The following CNTN5 variants were observed in gnomAD, a reference collection of about 807,000 sequenced individuals.
CNTN5 encodes the protein contactin-5.
A neutral mutation model predicts 129.1 loss-of-function variants in CNTN5; 77 were observed. The observed-to-expected ratio is 0.60, with a 90% confidence interval of 0.50 to 0.72. CNTN5 has a LOEUF of 0.72. Among genes scored for constraint, CNTN5 ranks in the 30% least tolerant of loss-of-function variants. The pLI is 0.00. For missense variants in CNTN5, 1,478 were observed against 1,328.8 expected, an observed-to-expected ratio of 1.11 and a Z score of -1.75; for synonymous variants, 509 against 465.6, an observed-to-expected ratio of 1.09 and a Z score of -1.20.
intron 3 of CNTN5, among the ~76,000 whole-genome samples, chr11:99,561,747 C>T (rs1948851335): frequency 1.1e-3 from 1 of 906 alleles, no homozygotes; most frequent in African/African-American, 1.7e-3. Flanking sequence ...GTCATCAAAA[C>T]TTAGGAAAAT....
chr11:99,972,187 GGA>G (rs1345352556), intron 8 of CNTN5, among the ~76,000 whole-genome samples: 37 of 151,970 alleles, frequency 2.4e-4, no homozygotes, highest in African/African-American at 8.7e-4. Flanking sequence ...CGTGAACCCG[GGA>G]GGCGGAGCTT....
In CNTN5 at chr11:99,411,053, A is replaced by G. The variant is rs191486149; in HGVS notation, c.-71+85569A>G. Among the ~76,000 whole-genome samples the G allele has an allele frequency of 2.6e-3, 393 of 152,354 alleles. 4 individuals carry two copies. Among genetic ancestry groups the G allele is most frequent in the African/African-American group, 9.2e-3 (382 of 41,580 alleles). On this transcript the variant is annotated intron_variant, in intron 2 of 24. Transcript: ENST00000524871. ...AATAAAACTTTCATTATTCTTTATG[A>G]ATTGTTCTATTACATTCACAGAAAA...
chr11:100,127,980 A>T (rs1231739697), intron 13 of CNTN5, among the ~76,000 whole-genome samples: 1 of 151,858 alleles, frequency 6.6e-6, no homozygotes, highest in African/African-American at 2.4e-5. Flanking sequence ...AGACTTTCTT[A>T]GGGTAGGAAT....
At chr11:99,950,789 T>C (rs1183110976) in intron 7 of CNTN5, among the ~76,000 whole-genome samples, 1 of 152,238 alleles carries the variant, frequency 6.6e-6, no homozygotes, top group Non-Finnish European at 1.5e-5. Context: ...GTAGACATTA[T>C]TGTCCCATTT....
intron 6 of CNTN5, among the ~76,000 whole-genome samples, chr11:99,850,943 T>G (rs1051930257): frequency 6.6e-6 from 1 of 152,182 alleles, no homozygotes; most frequent in African/African-American, 2.4e-5. Flanking sequence ...TTAATTAGCT[T>G]GACATAAAGC....
chr11:99,812,457 AC>A (rs1184504430), intron 3 of CNTN5, among the ~76,000 whole-genome samples: 1 of 152,106 alleles, frequency 6.6e-6, no homozygotes, highest in Non-Finnish European at 1.5e-5. Flanking sequence ...GATAATAATA[AC>A]AAAAAATAAT....
chr11:99,573,202 A>C (rs919154065), intron 3 of CNTN5, among the ~76,000 whole-genome samples: 4 of 151,818 alleles, frequency 2.6e-5, no homozygotes, highest in Non-Finnish European at 5.9e-5. Flanking sequence ...AATGGACCTG[A>C]TTACATAATA....
intron 8 of CNTN5, among the ~76,000 whole-genome samples, chr11:99,980,947 A>G (rs1938289629): frequency 6.6e-6 from 1 of 151,724 alleles, no homozygotes; most frequent in African/African-American, 2.4e-5. Context: ...AAAGCAATAT[A>G]TTAAAGGGTT....
At chr11:99,923,041 C>T (rs1217707874) in intron 7 of CNTN5, among the ~76,000 whole-genome samples, 12 of 152,186 alleles carry the variant, frequency 7.9e-5, no homozygotes, top group Admixed American at 7.9e-4. Flanking sequence ...ACAGTTTACA[C>T]ATCAGAGAAT....
intron 3 of CNTN5, among the ~76,000 whole-genome samples, chr11:99,744,114 G>A (rs1038316871): frequency 6.6e-6 from 1 of 152,108 alleles, no homozygotes; most frequent in South Asian, 2.1e-4. Context: ...GGACCTCTGA[G>A]TTGATTAAGG....
At chr11:99,734,994 C>A (rs1412174287) in intron 3 of CNTN5, among the ~76,000 whole-genome samples, 1 of 147,798 alleles carries the variant, frequency 6.8e-6, no homozygotes, top group Non-Finnish European at 1.5e-5. Flanking sequence ...GGGGAAAGAG[C>A]GAGACTCCGT....
chr11:100,348,151 T>C (rs928258380), intron 23 of CNTN5, among the ~76,000 whole-genome samples: 8 of 152,002 alleles, frequency 5.3e-5, no homozygotes, highest in African/African-American at 1.9e-4. Flanking sequence ...AATCTATAAA[T>C]GTCCATATTC....
At chr11:99,542,949 C>G (rs1419299272) in intron 2 of CNTN5, among the ~76,000 whole-genome samples, 1 of 152,218 alleles carries the variant, frequency 6.6e-6, no homozygotes, top group African/African-American at 2.4e-5. Flanking sequence ...AGCAAGGTAT[C>G]TTCAAGGCTG....
intron 1 of CNTN5, among the ~76,000 whole-genome samples, chr11:99,034,314 C>G (rs1337110770): frequency 6.6e-6 from 1 of 151,940 alleles, no homozygotes; most frequent in Non-Finnish European, 1.5e-5. Context: ...CCCTCTTTTT[C>G]TATTGATTGG....
At chr11:99,481,443 A>C in intron 2 of CNTN5, among the ~76,000 whole-genome samples, 1 of 152,102 alleles carries the variant, frequency 6.6e-6, no homozygotes, top group East Asian at 1.9e-4. Context: ...CTTTTCCCTT[A>C]TTCACTGTTG....
At position 99,379,858 on chromosome 11, in the gene CNTN5, G is replaced by T. The variant is rs187865022; in HGVS notation, c.-71+54374G>T. Among the ~76,000 whole-genome samples the T allele has an allele frequency of 4.9e-4, 75 of 152,020 alleles. 1 individual carries two copies. The highest frequency in any genetic ancestry group is 1.2e-4 in the Non-Finnish European group (8 of 68,008). ...GCCTGTAATTCCAGCACTTTGGGAG[G>T]CTGAGGCATATGTATGTGTGTGAAT... On this transcript the variant is annotated intron_variant, in intron 2 of 24. Coordinates refer to ENST00000524871, the MANE Select transcript of CNTN5 (RefSeq NM_014361.4).
chr11:100,139,559 G>A (rs867223380), intron 13 of CNTN5, among the ~76,000 whole-genome samples: 9 of 152,018 alleles, frequency 5.9e-5, no homozygotes, highest in Non-Finnish European at 4.4e-5. Flanking sequence ...CATTAGGGCA[G>A]TTTCAAGAAA....
At chr11:99,379,047 T>C (rs1443529895) in intron 2 of CNTN5, among the ~76,000 whole-genome samples, 1 of 152,028 alleles carries the variant, frequency 6.6e-6, no homozygotes, top group African/African-American at 2.4e-5. Flanking sequence ...TCTCTATGCC[T>C]ATTGCCTATT....
intron 2 of CNTN5, among the ~76,000 whole-genome samples, chr11:99,346,795 C>G (rs564634922): frequency 3.3e-5 from 5 of 152,190 alleles, no homozygotes; most frequent in Non-Finnish European, 7.3e-5. Flanking sequence ...GGAAGAGACA[C>G]AAGCTCGCTC....
Sources: allele counts gnomAD v4.1 joint callset (sites outside exome capture counted in the v4.1 genomes callset), GRCh38; gene constraint gnomAD v4.1.1; transcripts MANE v1.5; gene names NCBI Gene and HGNC (gene_info 2026-07-23, HGNC 2026-07-21).